Variants in BOP1 observed in about 807,000 individuals in gnomAD.
BOP1 encodes the protein BOP1 ribosomal biogenesis factor.
Under a neutral mutation model 82.9 loss-of-function variants are expected in BOP1, and 54 were observed. The ratio of observed to expected loss-of-function variants is 0.65; its 90% CI spans 0.52 to 0.82. BOP1 has a LOEUF of 0.82. Among genes scored for constraint, BOP1 ranks in the 40% least tolerant of loss-of-function variants. BOP1 has a pLI of 0.00. For missense variants in BOP1, 1,170 were observed against 1,072.0 expected (o/e 1.09, Z -1.28); for synonymous variants, 566 against 451.1 (o/e 1.25, Z -3.23).
rs1462710154 is a variant in BOP1 at position 144,262,496 on chromosome 8, TGTG to T, written c.1984_1986del (p.His662del). ...AAGGCCACAGCCCGCAGAGCCTTCT[TGTG>T]GTGTCTGGGGGGAGGGAACCAGGTT... On this transcript the variant is annotated inframe_deletion, in exon 15 of 16. Coordinates refer to ENST00000569669, the MANE Select transcript of BOP1 (RefSeq NM_015201.5). The T allele has an allele frequency of 2.0e-5, 33 of 1,612,742 alleles. No individual in the cohort carries two copies. The East Asian group carries it at 5.4e-4, about 26-fold the overall frequency.
intron 3 of BOP1, among the ~76,000 whole-genome samples, chr8:144,272,457 A>C (rs1052990381): frequency 6.6e-6 from 1 of 152,132 alleles, no homozygotes; most frequent in Admixed American, 6.5e-5. Context: ...CAGAGCCTGC[A>C]GCCGTCACCA....
At chr8:144,266,628 G>A in intron 3 of BOP1, 5 of 1,224,064 alleles carry the variant, frequency 4.1e-6, no homozygotes, top group South Asian at 1.5e-5. Context: ...CCTTCGCCAC[G>A]CTGCGCCCGG....
In BOP1 at chr8:144,262,347, G is replaced by A. The variant is rs982594229; in HGVS notation, c.2088-30C>T. The A allele has an allele frequency of 3.7e-4, 599 of 1,612,714 alleles. 3 individuals carry two copies. In the African/African-American group the frequency reaches 7.1e-3, roughly 19 times the overall value. On this transcript the variant is annotated intron_variant, in intron 15 of 15. Transcript: ENST00000569669. ...GGGGACGAGGAGGGCTCAGGGCACG[G>A]CCAGACACCACTGCCCTGGGGAGGG...
chr8:144,271,424 C>T (rs1382042057), intron 3 of BOP1, among the ~76,000 whole-genome samples: 1 of 152,114 alleles, frequency 6.6e-6, no homozygotes, highest in Non-Finnish European at 1.5e-5. Flanking sequence ...TGGGGTCAGC[C>T]GCCCTCGCTC....
Position 144,262,465 on chromosome 8 carries a change from G to A in BOP1, c.2018C>T (p.Pro673Leu), listed in dbSNP as rs1160618575. The A allele has an allele frequency of 2.9e-5, 47 of 1,612,764 alleles. No individual in the cohort carries two copies. Among genetic ancestry groups the A allele is most frequent in the Non-Finnish European group, 3.1e-5 (37 of 1,179,838 alleles). ...GCCTGACGCAAAGAGTGGGTACCGC[G>A]GGTGGAAGGCCACAGCCCGCAGAGC... The part of the protein sequence containing the change: ...KKALRAVAFH[P>L]RYPLFASGSD... The change falls in exon 15 of 16, where the codon CCG becomes CTG. Residue 673 changes from proline to leucine, a missense_variant. Physicochemically the swap from Pro to Leu is moderately conservative, Grantham distance 98. Coordinates refer to ENST00000569669, the MANE Select transcript of BOP1 (RefSeq NM_015201.5).
In BOP1 at chr8:144,262,446, C is replaced by A. The variant is rs997973742; in HGVS notation, c.2037G>T (p.Ala679=). 6.2e-7 allele frequency: 1 copy of A among 1,612,778 alleles called. No individual in the cohort carries two copies. The highest frequency in any genetic ancestry group is 8.5e-7 in the Non-Finnish European group (1 of 1,179,838). ...TGACACTGCCGTCGTCCGAGCCTGACGCAAAGAGTGGGTACCGCGGGTGGA... is the reference window on the plus strand; with the variant it reads ...TGACACTGCCGTCGTCCGAGCCTGAAGCAAAGAGTGGGTACCGCGGGTGGA... ...VAFHPRYPLF[A]SGSDDGSVIV... The change falls in exon 15 of 16, where the codon GCG becomes GCT. Residue 679 remains alanine (A), a synonymous_variant. Coordinates refer to ENST00000569669, the MANE Select transcript of BOP1 (RefSeq NM_015201.5).
rs924480306 is a variant in BOP1, at chr8:144,263,590, G to A, written c.1312C>T (p.Arg438Trp). ...CGGGCAGTGGCCACCTCCCAGAGCC[G>A]CAGGGAGCCGTCGTCAGAGCCTGGA... is the stretch of plus-strand genomic sequence containing the variant. Reference protein sequence around the residue: ...LVSGSDDGSLRLWEVATARCV... With the variant: ...LVSGSDDGSLWLWEVATARCV... The change falls in exon 11 of 16, where the codon CGG becomes TGG. Residue 438 changes from arginine to tryptophan, a missense_variant. Coordinates refer to ENST00000569669, the MANE Select transcript of BOP1 (RefSeq NM_015201.5). 1.6e-5 allele frequency: 26 copies of A among 1,605,270 alleles called. No homozygotes were observed. The highest frequency in any genetic ancestry group is 2.2e-5 in the East Asian group (1 of 44,868).
intron 3 of BOP1, among the ~76,000 whole-genome samples, chr8:144,267,678 G>A (rs1372316101): frequency 6.6e-6 from 1 of 152,170 alleles, no homozygotes; most frequent in Non-Finnish European, 1.5e-5. Context: ...GGTCCTGTAG[G>A]GCTGCCCGAG....
In BOP1 at chr8:144,277,447, C is replaced by T. The variant is rs1554838390; in HGVS notation, c.310-1143G>A. ...GGGCAGTTCCACACCCGGCTGCGGT[C>T]GGCTGCCCCCGCCTGGCCTCTGCGG... On this transcript the variant is annotated intron_variant, in intron 2 of 15. Transcript: ENST00000569669. Among the ~76,000 whole-genome samples the T allele has an allele frequency of 8.5e-5, 13 of 152,338 alleles. No individual in the cohort carries two copies. The South Asian group carries it at 1.2e-3, about 15-fold the overall frequency.
intron 3 of BOP1, among the ~76,000 whole-genome samples, chr8:144,269,833 C>T (rs1845463078): frequency 6.6e-6 from 1 of 152,246 alleles, no homozygotes; most frequent in Non-Finnish European, 1.5e-5. Context: ...CCCCGCCACC[C>T]TCCCAGGCAC....
intron 3 of BOP1, chr8:144,266,977 A>G (rs1845384969): frequency 6.4e-7 from 1 of 1,553,828 alleles, no homozygotes; most frequent in Non-Finnish European, 8.6e-7. Flanking sequence ...CCTGGCCTCC[A>G]GCTACATCTC....
At chr8:144,278,548 C>T (rs782220311) in intron 2 of BOP1, among the ~76,000 whole-genome samples, 2 of 152,336 alleles carry the variant, frequency 1.3e-5, no homozygotes, top group East Asian at 1.9e-4. Flanking sequence ...TGCGGTGTCC[C>T]GGTTCGGTGG....
chr8:144,272,730 G>A (rs1014859710), intron 3 of BOP1, among the ~76,000 whole-genome samples: 5 of 152,054 alleles, frequency 3.3e-5, no homozygotes, highest in Admixed American at 1.3e-4. Context: ...TGCTTCATCC[G>A]AGAGCCCAGG....
intron 2 of BOP1, among the ~76,000 whole-genome samples, chr8:144,286,424 C>T (rs1180209275): frequency 7.0e-5 from 9 of 128,808 alleles, no homozygotes; most frequent in African/African-American, 2.0e-4. Context: ...GGCCTCGGCC[C>T]CTCAGCTAAA....
At chr8:144,276,705 GCTCCTGC>G (rs1480846301) in intron 2 of BOP1, among the ~76,000 whole-genome samples, 1 of 152,206 alleles carries the variant, frequency 6.6e-6, no homozygotes, top group Non-Finnish European at 1.5e-5. Flanking sequence ...CCCACATGGC[GCTCCTGC>G]CGAGCCCCGC....
intron 2 of BOP1, among the ~76,000 whole-genome samples, chr8:144,284,585 GAT>G (rs1462487609): frequency 6.6e-6 from 1 of 152,198 alleles, no homozygotes; most frequent in African/African-American, 2.4e-5. Context: ...TGCGAGTTTG[GAT>G]ATGTCTAGAA....
chr8:144,266,963 T>C, intron 3 of BOP1: 1 of 1,557,652 alleles, frequency 6.4e-7, no homozygotes, highest in Non-Finnish European at 8.6e-7. Flanking sequence ...ATTGAGACGC[T>C]GCGCCTGGCC....
chr8:144,264,684 G>T, intron 5 of BOP1, 30 bp downstream of exon 5: 1 of 1,563,432 alleles, frequency 6.4e-7, no homozygotes, highest in Non-Finnish European at 8.7e-7. Flanking sequence ...CAGGACCCCC[G>T]CCGCCCAGGG....
chr8:144,264,885 C>T, intron 4 of BOP1, 32 bp downstream of exon 4: 1 of 1,608,870 alleles, frequency 6.2e-7, no homozygotes, highest in Non-Finnish European at 8.5e-7. Flanking sequence ...CGGGCCCACC[C>T]CGGCTGCTGG....
Sources: gnomAD v4.1 joint callset for allele counts (sites outside exome capture counted in the v4.1 genomes callset) on GRCh38, gnomAD v4.1.1 for gene constraint, MANE v1.5 for transcripts, NCBI Gene and HGNC (gene_info 2026-07-23, HGNC 2026-07-21) for gene names.